The following MAD1L1 variants were observed in gnomAD, a reference collection of about 807,000 sequenced individuals.
The protein encoded by MAD1L1 is mitotic spindle assembly checkpoint protein MAD1.
A neutral mutation model predicts 96.9 loss-of-function variants in MAD1L1; 95 were observed. The ratio of observed to expected loss-of-function variants is 0.98; its 90% CI spans 0.83 to 1.16. The LOEUF is 1.16. Among genes scored for constraint, MAD1L1 ranks in the 50% most tolerant of loss-of-function variants. The probability of loss-of-function intolerance (pLI) is 0.00; values close to 1 mark genes in which losing one functional copy is unlikely to be tolerated. For synonymous variants in MAD1L1, 473 were observed against 396.6 expected, an observed-to-expected ratio of 1.19 and a Z score of -2.29; for missense variants, 1,007 against 954.4, an observed-to-expected ratio of 1.06 and a Z score of -0.73.
At chr7:1,870,450 ACCTGCCACGCTGAACCCAACATATG>A (rs1269243658) in intron 18 of MAD1L1, among the ~76,000 whole-genome samples, 3 of 115,448 alleles carry the variant, frequency 2.6e-5, no homozygotes, top group Non-Finnish European at 3.5e-5. Flanking sequence ...CCACCGTAAC[ACCTGCCACGCTGAACCCAACATATG>A]CCTGCCACGC....
At chr7:1,882,498 C>T (rs904959495) in intron 18 of MAD1L1, among the ~76,000 whole-genome samples, 2 of 152,180 alleles carry the variant, frequency 1.3e-5, no homozygotes, top group Non-Finnish European at 2.9e-5. Flanking sequence ...GAGGGGCGCG[C>T]GGGCCGTGTT....
intron 10 of MAD1L1, among the ~76,000 whole-genome samples, chr7:2,210,941 T>C (rs970512432): frequency 6.6e-6 from 1 of 152,174 alleles, no homozygotes; most frequent in Non-Finnish European, 1.5e-5. Context: ...TCACACGCAG[T>C]TGGGGAGAAG....
At chr7:1,999,495 G>A (rs1584035206) in intron 14 of MAD1L1, among the ~76,000 whole-genome samples, 2 of 152,310 alleles carry the variant, frequency 1.3e-5, no homozygotes, top group South Asian at 4.1e-4. Flanking sequence ...GAGCGTGGCA[G>A]ACAGAAGCCT....
At chr7:2,186,067 A>T (rs1358942451) in intron 10 of MAD1L1, among the ~76,000 whole-genome samples, 1 of 152,270 alleles carries the variant, frequency 6.6e-6, no homozygotes, top group African/African-American at 2.4e-5. Flanking sequence ...AAAATCGGAA[A>T]CACTAACAAC....
intron 10 of MAD1L1, among the ~76,000 whole-genome samples, chr7:2,207,889 G>A (rs1030631393): frequency 6.6e-6 from 1 of 152,140 alleles, no homozygotes; most frequent in Non-Finnish European, 1.5e-5. Context: ...GTGTGGGACT[G>A]GGCCCTGACC....
intron 12 of MAD1L1, among the ~76,000 whole-genome samples, chr7:2,068,084 T>G (rs1212993445): frequency 6.6e-6 from 1 of 152,250 alleles, no homozygotes; most frequent in Non-Finnish European, 1.5e-5. Flanking sequence ...GGGTGTCCCC[T>G]CTGCCAGAGG....
intron 17 of MAD1L1, among the ~76,000 whole-genome samples, chr7:1,924,340 G>A (rs188060951): frequency 8.5e-5 from 13 of 152,284 alleles, no homozygotes; most frequent in East Asian, 3.9e-4. Flanking sequence ...ATTCCTTCCC[G>A]TCCTTTAACT....
intron 11 of MAD1L1, among the ~76,000 whole-genome samples, chr7:2,093,243 T>TAAAAA (rs1491236826): frequency 7.6e-5 from 1 of 13,138 alleles, no homozygotes; most frequent in African/African-American, 3.4e-4. Context: ...AGACTCCGTG[T>TAAAAA]CAAAAAAAAA....
At chr7:2,080,755 T>C (rs1003558142) in intron 11 of MAD1L1, among the ~76,000 whole-genome samples, 1 of 152,070 alleles carries the variant, frequency 6.6e-6, no homozygotes, top group Non-Finnish European at 1.5e-5. Context: ...ATTTTCCCAA[T>C]GAAGATGCGT....
intron 10 of MAD1L1, among the ~76,000 whole-genome samples, chr7:2,188,584 G>A (rs1201873285): frequency 1.3e-5 from 2 of 152,190 alleles, no homozygotes; most frequent in Non-Finnish European, 2.9e-5. Context: ...ACCATTCAAT[G>A]AGGAATGGAC....
Position 2,031,029 on chromosome 7 carries a change from G to A in MAD1L1, c.1219-16387C>T, listed in dbSNP as rs114440897. On this transcript the variant is annotated intron_variant, in intron 12 of 18. Transcript: ENST00000265854. Reference sequence around the variant, plus strand: ...CTATTTCTGCTGGGCGACTGGATTCGGAGGAGCCCCCAGGAGAAAAAACGG... The same window carrying A: ...CTATTTCTGCTGGGCGACTGGATTCAGAGGAGCCCCCAGGAGAAAAAACGG... Among the ~76,000 whole-genome samples, 1,270 of 152,322 alleles carry A rather than the reference G, an allele frequency of 8.3e-3. 21 individuals carry two copies. Among genetic ancestry groups the A allele is most frequent in the African/African-American group, 0.029 (1,224 of 41,572 alleles).
intron 18 of MAD1L1, chr7:1,847,651 G>C (rs527480237): frequency 5.7e-5 from 27 of 470,826 alleles, no homozygotes; most frequent in African/African-American, 5.0e-4. Flanking sequence ...AGCTGCCCTC[G>C]GCCCATCTCC....
At chr7:1,975,033 G>A (rs950258718) in intron 15 of MAD1L1, among the ~76,000 whole-genome samples, 1 of 152,276 alleles carries the variant, frequency 6.6e-6, no homozygotes. Context: ...AGGGGCCGCT[G>A]TCGCTACCGG....
chr7:1,943,817 G>A lies in MAD1L1; in HGVS notation c.1597-6920C>T, dbSNP rs538640235. Among the ~76,000 whole-genome samples the A allele has an allele frequency of 9.9e-5, 15 of 152,210 alleles. 1 individual carries two copies. In the South Asian group the frequency reaches 1.9e-3, roughly 19 times the overall value. Reference sequence around the variant, plus strand: ...GCTGTGTTCATAACAGCCCCAAAGCGGAAACCATCCAGATGTCCATCAGGC... The same window carrying A: ...GCTGTGTTCATAACAGCCCCAAAGCAGAAACCATCCAGATGTCCATCAGGC... On this transcript the variant is annotated intron_variant, in intron 16 of 18. Transcript: ENST00000265854.
At chr7:2,167,939 T>C (rs1790518143) in intron 10 of MAD1L1, among the ~76,000 whole-genome samples, 1 of 152,012 alleles carries the variant, frequency 6.6e-6, no homozygotes. Context: ...ACCGCACCTA[T>C]CTTACCTGCA....
chr7:1,831,918 C>G (rs1046641604), intron 18 of MAD1L1, among the ~76,000 whole-genome samples: 6 of 152,234 alleles, frequency 3.9e-5, no homozygotes, highest in Non-Finnish European at 7.3e-5. Flanking sequence ...GACAATGCAA[C>G]TAGTTACTGG....
At chr7:1,949,227 T>C (rs1779375310) in intron 16 of MAD1L1, among the ~76,000 whole-genome samples, 1 of 152,158 alleles carries the variant, frequency 6.6e-6, no homozygotes, top group African/African-American at 2.4e-5. Flanking sequence ...CTGCTGTCTG[T>C]AGAGTGGTGG....
chr7:2,011,838 C>G (rs1782317110), intron 13 of MAD1L1, among the ~76,000 whole-genome samples: 2 of 152,158 alleles, frequency 1.3e-5, no homozygotes, highest in South Asian at 4.1e-4. Context: ...CAGGCCAGTG[C>G]AGCGGGGTCC....
chr7:1,905,487 C>T (rs185439269), intron 17 of MAD1L1, among the ~76,000 whole-genome samples: 38 of 144,648 alleles, frequency 2.6e-4, no homozygotes, highest in Non-Finnish European at 4.7e-4. Flanking sequence ...TCTTGCGGAA[C>T]TCATGATTGA....
Sources: allele counts gnomAD v4.1 joint callset (sites outside exome capture counted in the v4.1 genomes callset), GRCh38; gene constraint gnomAD v4.1.1; transcripts MANE v1.5; gene names NCBI Gene and HGNC (gene_info 2026-07-23, HGNC 2026-07-21).